Variants in PRDM6 observed in about 807,000 individuals in gnomAD.
PRDM6 encodes PR/SET domain 6.
A neutral mutation model predicts 60.8 loss-of-function variants in PRDM6; 25 were observed. That is an observed-to-expected ratio of 0.41 (90% CI 0.30 to 0.57). PRDM6 has a LOEUF of 0.57. Among genes scored for constraint, PRDM6 ranks in the 20% least tolerant of loss-of-function variants. The pLI, the probability that PRDM6 is intolerant of heterozygous loss-of-function variation, is 0.27. For missense variants in PRDM6, 839 were observed against 821.3 expected, an observed-to-expected ratio of 1.02 and a Z score of -0.26; for synonymous variants, 407 against 357.4, an observed-to-expected ratio of 1.14 and a Z score of -1.57.
At chr5:123,124,863 G>A (rs1613593) in intron 3 of PRDM6, among the ~76,000 whole-genome samples, 21,760 of 151,276 alleles carry the variant, frequency 0.14, 1,948 homozygotes, top group Non-Finnish European at 0.21. Context: ...TTTTTTCTAC[G>A]TGTAAAATAA....
intron 3 of PRDM6, among the ~76,000 whole-genome samples, chr5:123,143,148 A>AGTGTGTGTGTGTGTGTGTGT (rs139092433): frequency 0.019 from 2,759 of 145,900 alleles, 43 homozygotes; most frequent in Non-Finnish European, 0.024. Context: ...TAGTTTTTAA[A>AGTGTGTGTGTGTGTGTGTGT]GTGTGTGTGT....
At chr5:123,177,602 A>G (rs528792297) in intron 6 of PRDM6, among the ~76,000 whole-genome samples, 5 of 152,312 alleles carry the variant, frequency 3.3e-5, no homozygotes, top group Admixed American at 2.0e-4. Context: ...CCATATTCCA[A>G]TGAGCATGTA....
intron 5 of PRDM6, among the ~76,000 whole-genome samples, chr5:123,167,046 T>C (rs1256769025): frequency 6.6e-6 from 1 of 152,214 alleles, no homozygotes; most frequent in Non-Finnish European, 1.5e-5. Context: ...TTCTTGTGTT[T>C]AGTTTATACC....
chr5:123,176,281 AAAC>A (rs1200031723), intron 6 of PRDM6, among the ~76,000 whole-genome samples: 38 of 150,908 alleles, frequency 2.5e-4, no homozygotes, highest in Admixed American at 1.3e-4. Context: ...AAAAAAAAAA[AAAC>A]AAAAAAAAAA....
At chr5:123,164,270 G>A (rs1420467289) in intron 5 of PRDM6, among the ~76,000 whole-genome samples, 1 of 152,212 alleles carries the variant, frequency 6.6e-6, no homozygotes, top group Non-Finnish European at 1.5e-5. Context: ...ATTCAGCTGG[G>A]AGAAGTCAAG....
chr5:123,184,663 G>A (rs1389059490), intron 7 of PRDM6, among the ~76,000 whole-genome samples: 1 of 152,184 alleles, frequency 6.6e-6, no homozygotes. Context: ...CTTCTGTTGA[G>A]TCAGTTCTGT....
intron 3 of PRDM6, among the ~76,000 whole-genome samples, chr5:123,151,338 C>T (rs1366654338): frequency 6.6e-6 from 1 of 152,114 alleles, no homozygotes; most frequent in Non-Finnish European, 1.5e-5. Context: ...TGCTGAAATC[C>T]AGGGAACCCG....
At chr5:123,179,724 T>G in intron 6 of PRDM6, among the ~76,000 whole-genome samples, 1 of 138,392 alleles carries the variant, frequency 7.2e-6, no homozygotes, top group East Asian at 3.1e-4. Flanking sequence ...ATCATAAAGA[T>G]TAAACTGGAT....
intron 3 of PRDM6, 30 bp from the exon 4 acceptor site, chr5:123,155,854 A>G (rs1765482810): frequency 1.9e-6 from 3 of 1,546,036 alleles, no homozygotes; most frequent in Non-Finnish European, 2.6e-6. Flanking sequence ...GATTCGTTCT[A>G]ACTACTTGAC....
chr5:123,172,899 C>T (rs1233754612), intron 6 of PRDM6, among the ~76,000 whole-genome samples: 2 of 152,118 alleles, frequency 1.3e-5, no homozygotes, highest in East Asian at 3.9e-4. Flanking sequence ...CTTAGAAAAT[C>T]ATATGTGTGG....
At chr5:123,150,932 T>G (rs1765356385) in intron 3 of PRDM6, among the ~76,000 whole-genome samples, 1 of 152,216 alleles carries the variant, frequency 6.6e-6, no homozygotes, top group African/African-American at 2.4e-5. Context: ...AAAAAGCATG[T>G]AATATTTTTT....
intron 3 of PRDM6, among the ~76,000 whole-genome samples, chr5:123,118,224 A>T (rs998721307): frequency 6.6e-6 from 1 of 152,202 alleles, no homozygotes; most frequent in Non-Finnish European, 1.5e-5. Flanking sequence ...AGAGAGATGG[A>T]ATTCAAGTTG....
rs181379603 is a variant in PRDM6 at position 123,141,623 on chromosome 5, A to G, written c.901-14261A>G. 3.9e-5 allele frequency among the ~76,000 whole-genome samples: 6 copies of G among 152,258 alleles called. No individual in the cohort carries two copies. The East Asian group carries it at 1.2e-3, about 29-fold the overall frequency. ...TCTGAAGTCACCCAGCTGAGACTTG[A>G]TTCCTGCTCTGCCCAGTTCCACTTA... On this transcript the variant is annotated intron_variant, in intron 3 of 7. Coordinates refer to ENST00000407847, the MANE Select transcript of PRDM6 (RefSeq NM_001136239.4).
At chr5:123,157,819 C>T (rs1271154296) in intron 4 of PRDM6, among the ~76,000 whole-genome samples, 1 of 152,200 alleles carries the variant, frequency 6.6e-6, no homozygotes, top group African/African-American at 2.4e-5. Flanking sequence ...TTGATTGACC[C>T]TTAGCTGAAC....
chr5:123,170,078 T>C (rs1425046492), intron 5 of PRDM6, among the ~76,000 whole-genome samples: 2 of 152,128 alleles, frequency 1.3e-5, no homozygotes, highest in Admixed American at 6.5e-5. Flanking sequence ...GTCTGAAATA[T>C]CTTATTTATT....
chr5:123,100,986 T>A (rs1764090241), intron 3 of PRDM6, among the ~76,000 whole-genome samples: 1 of 152,176 alleles, frequency 6.6e-6, no homozygotes, highest in Non-Finnish European at 1.5e-5. Flanking sequence ...GAAAATAAAG[T>A]TTCTTAAATG....
intron 4 of PRDM6, among the ~76,000 whole-genome samples, chr5:123,158,650 T>C (rs985312908): frequency 3.3e-5 from 5 of 152,190 alleles, no homozygotes; most frequent in Admixed American, 2.0e-4. Context: ...TGGAGAAGCA[T>C]TCGCCTTATG....
chr5:123,100,618 C>T (rs1054479101), intron 3 of PRDM6, among the ~76,000 whole-genome samples: 8 of 152,146 alleles, frequency 5.3e-5, no homozygotes, highest in African/African-American at 9.7e-5. Flanking sequence ...CTCTGATGAA[C>T]GGAAATTATG....
At chr5:123,098,054 C>T (rs1166001286) in intron 2 of PRDM6, among the ~76,000 whole-genome samples, 2 of 152,302 alleles carry the variant, frequency 1.3e-5, no homozygotes, top group Non-Finnish European at 1.5e-5. Flanking sequence ...TCGAGGGCTC[C>T]CTTACCATGC....
Sources: gnomAD v4.1 joint callset for allele counts (sites outside exome capture counted in the v4.1 genomes callset) on GRCh38, gnomAD v4.1.1 for gene constraint, MANE v1.5 for transcripts, NCBI Gene and HGNC (gene_info 2026-07-23, HGNC 2026-07-21) for gene names.